Variants in CLASP1 observed in about 807,000 individuals in gnomAD.
CLASP1 encodes the protein CLIP-associating protein 1.
Under a neutral mutation model 192.3 loss-of-function variants are expected in CLASP1, and 38 were observed. That is an observed-to-expected ratio of 0.20 (90% CI 0.15 to 0.26). The LOEUF (loss-of-function observed/expected upper bound fraction) is 0.26, where lower values mean the gene tolerates loss of function less well. Among genes scored for constraint, CLASP1 ranks in the 10% least tolerant of loss-of-function variants. The pLI is 1.00. For missense variants in CLASP1, 1,433 were observed against 1,932.5 expected (o/e 0.74, Z 4.85); for synonymous variants, 691 against 712.8 (o/e 0.97, Z 0.49).
Position 121,615,120 on chromosome 2 carries a change from A to C in CLASP1, c.-285-8940T>G, listed in dbSNP as rs192888028. Among the ~76,000 whole-genome samples, 1,257 of 152,150 alleles carry C rather than the reference A, an allele frequency of 8.3e-3. 9 individuals carry two copies. The highest frequency in any genetic ancestry group is 0.014 in the Non-Finnish European group (942 of 67,994). ...TTTGGGAGGCCAAAGTGGGCAGATC[A>C]CCTGAGGTCAGGAGTTCGAGACCAG... On this transcript the variant is annotated intron_variant, in intron 1 of 39. Coordinates refer to ENST00000263710, the Ensembl canonical transcript of CLASP1.
At chr2:121,429,219 G>C (rs897976071) in intron 20 of CLASP1, among the ~76,000 whole-genome samples, 1 of 152,132 alleles carries the variant, frequency 6.6e-6, no homozygotes, top group Non-Finnish European at 1.5e-5. Context: ...GGTGCAGACT[G>C]ATCACTCTCT....
intron 2 of CLASP1, among the ~76,000 whole-genome samples, chr2:121,550,025 A>C (rs2057886607): frequency 6.6e-6 from 1 of 151,480 alleles, no homozygotes; most frequent in Admixed American, 6.6e-5. Context: ...AAAAAAAAAA[A>C]AACCTGAAAT....
At chr2:121,508,372 A>G (rs969285677) in intron 7 of CLASP1, among the ~76,000 whole-genome samples, 7 of 152,234 alleles carry the variant, frequency 4.6e-5, no homozygotes, top group African/African-American at 1.7e-4. Context: ...AAAAAACTAA[A>G]ATAAACAGCA....
intron 6 of CLASP1, among the ~76,000 whole-genome samples, chr2:121,524,008 CTTG>C (rs886072306): frequency 4.6e-5 from 7 of 152,324 alleles, no homozygotes; most frequent in South Asian, 2.1e-4. Flanking sequence ...GACAACGTCC[CTTG>C]TTGTAGTTCT....
At chr2:121,468,187 G>A (rs2090014002) in intron 9 of CLASP1, among the ~76,000 whole-genome samples, 1 of 152,150 alleles carries the variant, frequency 6.6e-6, no homozygotes, top group South Asian at 2.1e-4. Flanking sequence ...GTTTTGGTTA[G>A]GGGTAGCCTT....
chr2:121,418,718 G>A (rs1014424969), exon 23 of CLASP1: 15 of 1,612,830 alleles, frequency 9.3e-6, no homozygotes, highest in South Asian at 1.1e-5. Context: ...CGAGGGATAC[G>A]GCTGCTCCGT....
intron 7 of CLASP1, among the ~76,000 whole-genome samples, chr2:121,515,131 G>C (rs1449998127): frequency 6.6e-6 from 1 of 152,176 alleles, no homozygotes; most frequent in Non-Finnish European, 1.5e-5. Flanking sequence ...TAACAAAGTC[G>C]CATTTGTGGA....
chr2:121,529,671 T>C (rs569426093), intron 3 of CLASP1, among the ~76,000 whole-genome samples: 4 of 152,340 alleles, frequency 2.6e-5, no homozygotes, highest in African/African-American at 7.2e-5. Context: ...TTTGCTGACA[T>C]ACTGTTTTCC....
intron 1 of CLASP1, among the ~76,000 whole-genome samples, chr2:121,627,800 C>G (rs1012441584): frequency 2.0e-5 from 3 of 152,200 alleles, no homozygotes; most frequent in Non-Finnish European, 4.4e-5. Flanking sequence ...TATTCATTGA[C>G]AATTTAGATC....
intron 8 of CLASP1, among the ~76,000 whole-genome samples, chr2:121,499,454 G>A (rs188252236): frequency 6.6e-6 from 1 of 152,014 alleles, no homozygotes; most frequent in East Asian, 1.9e-4. Context: ...TGGGACGTGA[G>A]GGTGATGAAG....
intron 1 of CLASP1, among the ~76,000 whole-genome samples, chr2:121,621,729 G>A (rs548336962): frequency 1.3e-5 from 2 of 152,132 alleles, no homozygotes; most frequent in Admixed American, 1.3e-4. Flanking sequence ...AGTAAGTTAT[G>A]AAAGTCCTCC....
At chr2:121,403,046 G>T (rs2076371930) in intron 26 of CLASP1, among the ~76,000 whole-genome samples, 1 of 152,174 alleles carries the variant, frequency 6.6e-6, no homozygotes. Flanking sequence ...TGGCCAGGCT[G>T]GTCTCGAACT....
At chr2:121,530,153 G>A (rs1229318600) in intron 3 of CLASP1, 94 bp downstream of exon 3, 16 of 1,062,616 alleles carry the variant, frequency 1.5e-5, no homozygotes, top group Non-Finnish European at 2.2e-5. Flanking sequence ...AGGGGAGGCA[G>A]GGTGGCTGCC....
At chr2:121,482,239 T>C (rs2092650700) in intron 8 of CLASP1, among the ~76,000 whole-genome samples, 1 of 152,050 alleles carries the variant, frequency 6.6e-6, no homozygotes. Context: ...CAGGGGATAA[T>C]GAACAAACTA....
chr2:121,592,134 T>C (rs1371266772), intron 2 of CLASP1, among the ~76,000 whole-genome samples: 2 of 152,264 alleles, frequency 1.3e-5, no homozygotes, highest in African/African-American at 4.8e-5. Flanking sequence ...GAGTTCTGTC[T>C]ATAGCTGAAT....
chr2:121,389,807 T>G (rs1340432817), intron 30 of CLASP1, among the ~76,000 whole-genome samples: 1 of 152,196 alleles, frequency 6.6e-6, no homozygotes, highest in Non-Finnish European at 1.5e-5. Context: ...CAAAGTAAAA[T>G]CTTTTAAAAA....
chr2:121,638,384 A>G (rs1646471841), intron 1 of CLASP1, among the ~76,000 whole-genome samples: 1 of 152,196 alleles, frequency 6.6e-6, no homozygotes, highest in South Asian at 2.1e-4. Flanking sequence ...CAGAATGTAA[A>G]ATGGTACAGC....
chr2:121,536,378 G>GAA (rs59632661), intron 2 of CLASP1, among the ~76,000 whole-genome samples: 4,511 of 47,970 alleles, frequency 0.094, 486 homozygotes, highest in African/African-American at 0.21. Flanking sequence ...AAGACTGTCT[G>GAA]AAAAAAAAAA....
intron 11 of CLASP1, 123 bp from the exon 12 acceptor site, chr2:121,460,248 C>T: frequency 1.4e-6 from 1 of 709,886 alleles, no homozygotes; most frequent in Non-Finnish European, 2.2e-6. Context: ...GAAAGCTTTC[C>T]CAAAAGAATT....
Sources: gnomAD v4.1 joint callset for allele counts (sites outside exome capture counted in the v4.1 genomes callset) on GRCh38, gnomAD v4.1.1 for gene constraint, MANE v1.5 for transcripts, NCBI Gene and HGNC (gene_info 2026-07-23, HGNC 2026-07-21) for gene names.